TBC1D5: variants seen among roughly 807,000 people sequenced by gnomAD.
TBC1D5 encodes the protein TBC1 domain family, member 5.
A neutral mutation model predicts 100.3 loss-of-function variants in TBC1D5; 75 were observed. That is an observed-to-expected ratio of 0.75 (90% confidence interval 0.62 to 0.91). The LOEUF (loss-of-function observed/expected upper bound fraction) is 0.91, where lower values mean the gene tolerates loss of function less well. Ranked by LOEUF, TBC1D5 falls within the 40% of genes least tolerant of loss-of-function variation. The pLI is 0.00. For missense variants in TBC1D5, 910 were observed against 942.4 expected (o/e 0.97, Z 0.45); for synonymous variants, 323 against 325.6 (o/e 0.99, Z 0.09).
intron 2 of TBC1D5, among the ~76,000 whole-genome samples, chr3:17,546,629 C>T (rs956963312): frequency 6.6e-6 from 1 of 151,214 alleles, no homozygotes; most frequent in African/African-American, 2.4e-5. Context: ...AATAACCGGG[C>T]ATGGCGGCAT....
At chr3:17,462,793 C>T (rs1317641271) in intron 3 of TBC1D5, among the ~76,000 whole-genome samples, 1 of 152,142 alleles carries the variant, frequency 6.6e-6, no homozygotes, top group African/African-American at 2.4e-5. Context: ...CAATGCCAGA[C>T]AGCATAGATC....
In TBC1D5 at chr3:17,641,257, A is replaced by C. The variant is rs569055813; in HGVS notation, c.-100-17344T>G. ...CCTTGATCCAGGAAAATCCCATGGT[A>C]CCATTAACAAAATTATTCACACACA... On this transcript the variant is annotated intron_variant, in intron 1 of 21. Coordinates refer to ENST00000253692, the Ensembl canonical transcript of TBC1D5. Among the ~76,000 whole-genome samples, 29 of 152,180 alleles carry C rather than the reference A, an allele frequency of 1.9e-4. 1 individual carries two copies. In the South Asian group the frequency reaches 5.6e-3, roughly 29 times the overall value.
chr3:17,578,676 C>G (rs1286492374), intron 2 of TBC1D5, among the ~76,000 whole-genome samples: 7 of 151,910 alleles, frequency 4.6e-5, no homozygotes, highest in African/African-American at 7.2e-5. Flanking sequence ...ACTTCATTTC[C>G]TCTGTTCTAT....
At chr3:17,536,331 T>A (rs991957610) in intron 2 of TBC1D5, among the ~76,000 whole-genome samples, 1 of 152,216 alleles carries the variant, frequency 6.6e-6, no homozygotes, top group Non-Finnish European at 1.5e-5. Flanking sequence ...ACAAAGAAGG[T>A]GATTTGAAAA....
intron 1 of TBC1D5, among the ~76,000 whole-genome samples, chr3:17,705,724 T>C (rs1347422797): frequency 1.5e-5 from 2 of 130,880 alleles, no homozygotes; most frequent in African/African-American, 5.9e-5. Flanking sequence ...ACTTCCTAGA[T>C]GGGATGGCGG....
intron 2 of TBC1D5, among the ~76,000 whole-genome samples, chr3:17,570,199 T>C (rs2096618303): frequency 6.6e-6 from 1 of 151,988 alleles, no homozygotes. Context: ...CATCCAGAAA[T>C]TTTAAAAATA....
At chr3:17,317,232 G>A (rs930611457) in intron 13 of TBC1D5, among the ~76,000 whole-genome samples, 1 of 152,194 alleles carries the variant, frequency 6.6e-6, no homozygotes, top group Non-Finnish European at 1.5e-5. Context: ...AGTATTAACG[G>A]TTTTTGGATT....
intron 2 of TBC1D5, among the ~76,000 whole-genome samples, chr3:17,532,941 C>T (rs138336425): frequency 0.016 from 2,386 of 151,704 alleles, 24 homozygotes; most frequent in Non-Finnish European, 0.026. Context: ...ACATATGTAA[C>T]AAACCTGCAC....
chr3:17,208,264 A>G (rs886512284), intron 18 of TBC1D5, among the ~76,000 whole-genome samples: 1 of 152,246 alleles, frequency 6.6e-6, no homozygotes, highest in Non-Finnish European at 1.5e-5. Flanking sequence ...GATCAGCAAA[A>G]GCTGATTTCT....
At chr3:17,195,279 T>C (rs900039777) in intron 18 of TBC1D5, among the ~76,000 whole-genome samples, 1 of 152,220 alleles carries the variant, frequency 6.6e-6, no homozygotes, top group Non-Finnish European at 1.5e-5. Context: ...TGGAAACCCA[T>C]GTAGTTCTCT....
chr3:17,277,477 G>A (rs568507711), intron 15 of TBC1D5, among the ~76,000 whole-genome samples: 1 of 152,016 alleles, frequency 6.6e-6, no homozygotes, highest in African/African-American at 2.4e-5. Flanking sequence ...ATCTCGTTGG[G>A]CTTTACTCTT....
At chr3:17,205,651 G>A (rs567874922) in intron 18 of TBC1D5, among the ~76,000 whole-genome samples, 358 of 152,210 alleles carry the variant, frequency 2.4e-3, no homozygotes, top group Non-Finnish European at 1.5e-3. Flanking sequence ...TGAGCCTCTC[G>A]TGACCCTTCT....
intron 19 of TBC1D5, among the ~76,000 whole-genome samples, chr3:17,180,839 C>T (rs996495257): frequency 2.7e-5 from 4 of 150,810 alleles, no homozygotes; most frequent in Admixed American, 6.6e-5. Flanking sequence ...GGTGATGGTT[C>T]CACTAAAAGC....
At chr3:17,625,489 T>C (rs1440913045) in intron 1 of TBC1D5, among the ~76,000 whole-genome samples, 10 of 152,076 alleles carry the variant, frequency 6.6e-5, no homozygotes, top group Admixed American at 6.6e-4. Context: ...TTTAAGGCTG[T>C]TAAAATAGGT....
intron 19 of TBC1D5, among the ~76,000 whole-genome samples, chr3:17,181,891 A>C (rs1053995561): frequency 6.6e-6 from 1 of 152,180 alleles, no homozygotes; most frequent in Non-Finnish European, 1.5e-5. Context: ...TAACATTTTA[A>C]TCTTTATAAA....
chr3:17,711,614 C>T (rs746180674), intron 1 of TBC1D5, among the ~76,000 whole-genome samples: 13 of 152,056 alleles, frequency 8.5e-5, no homozygotes, highest in Non-Finnish European at 1.3e-4. Flanking sequence ...TAGTATCATA[C>T]GTATTTTTCA....
At chr3:17,626,644 AG>A (rs1203221283) in intron 1 of TBC1D5, among the ~76,000 whole-genome samples, 13 of 152,284 alleles carry the variant, frequency 8.5e-5, no homozygotes, top group African/African-American at 3.1e-4. Context: ...GACTTCACAG[AG>A]GGGGCAAGAC....
intron 2 of TBC1D5, among the ~76,000 whole-genome samples, chr3:17,584,042 A>T (rs1350594861): frequency 1.3e-5 from 2 of 152,236 alleles, no homozygotes; most frequent in Admixed American, 1.3e-4. Context: ...CTACAACTTG[A>T]ATAAAAATTT....
In TBC1D5 at chr3:17,604,242, G is replaced by A. The variant is rs377347144; in HGVS notation, c.-36+19607C>T. Among the ~76,000 whole-genome samples the A allele has an allele frequency of 3.9e-5, 6 of 152,274 alleles. No individual in the cohort carries two copies. The South Asian group carries it at 1.0e-3, about 26-fold the overall frequency. The stretch of plus-strand genomic sequence containing the variant: ...CCCAAAGTTCTGGGATTACATGCAG[G>A]AGCCACTGTGCCTTTAAGTACTTCT... On this transcript the variant is annotated intron_variant, in intron 2 of 21. Coordinates refer to ENST00000253692, the Ensembl canonical transcript of TBC1D5.
Sources: gnomAD v4.1 joint callset for allele counts (sites outside exome capture counted in the v4.1 genomes callset) on GRCh38, gnomAD v4.1.1 for gene constraint, MANE v1.5 for transcripts, NCBI Gene and HGNC (gene_info 2026-07-23, HGNC 2026-07-21) for gene names.